SOX5: variants seen among roughly 807,000 people sequenced by gnomAD.
SOX5 encodes the protein transcription factor SOX-5.
A neutral mutation model predicts 92.0 loss-of-function variants in SOX5; 9 were observed. The ratio of observed to expected loss-of-function variants is 0.10; its 90% confidence interval spans 0.06 to 0.17. The LOEUF (loss-of-function observed/expected upper bound fraction) is 0.17. Among genes scored for constraint, SOX5 ranks in the 10% least tolerant of loss-of-function variants. SOX5 has a pLI of 1.00. For synonymous variants in SOX5, 344 were observed against 336.3 expected, an observed-to-expected ratio of 1.02 and a Z score of -0.25; for missense variants, 642 against 944.5, an observed-to-expected ratio of 0.68 and a Z score of 4.20.
At chr12:24,058,299 T>C (rs1299254794) in intron 4 of SOX5, among the ~76,000 whole-genome samples, 1 of 152,232 alleles carries the variant, frequency 6.6e-6, no homozygotes, top group Non-Finnish European at 1.5e-5. Flanking sequence ...ACAATATTTT[T>C]TGTAGTTGTA....
At chr12:24,424,812 G>GC (rs981419594) in intron 1 of SOX5, among the ~76,000 whole-genome samples, 3 of 150,716 alleles carry the variant, frequency 2.0e-5, no homozygotes, top group Admixed American at 6.6e-5. Flanking sequence ...TTTTTTTGGG[G>GC]GGGGGGGATG....
intron 1 of SOX5, among the ~76,000 whole-genome samples, chr12:24,484,790 A>G (rs913136830): frequency 1.3e-5 from 2 of 152,318 alleles, no homozygotes; most frequent in Non-Finnish European, 2.9e-5. Flanking sequence ...TGATAGCGTT[A>G]ATTAACTTAT....
chr12:24,214,910 C>T (rs1419618805), intron 3 of SOX5, among the ~76,000 whole-genome samples: 2 of 152,026 alleles, frequency 1.3e-5, no homozygotes, highest in East Asian at 3.9e-4. Flanking sequence ...GAATTACACT[C>T]TATAACCAAG....
At chr12:23,630,932 CTAAT>C (rs2078451477) in intron 8 of SOX5, among the ~76,000 whole-genome samples, 1 of 151,960 alleles carries the variant, frequency 6.6e-6, no homozygotes, top group Non-Finnish European at 1.5e-5. Flanking sequence ...TATCTTTCCT[CTAAT>C]TATCCCCTAA....
At chr12:23,956,647 T>C (rs1946318232) in intron 4 of SOX5, among the ~76,000 whole-genome samples, 1 of 151,984 alleles carries the variant, frequency 6.6e-6, no homozygotes, top group Non-Finnish European at 1.5e-5. Flanking sequence ...GAGCCTCTAT[T>C]ACTCCTTCCT....
chr12:23,784,480 C>T (rs2095342381), intron 3 of SOX5, among the ~76,000 whole-genome samples: 1 of 152,084 alleles, frequency 6.6e-6, no homozygotes, highest in Non-Finnish European at 1.5e-5. Flanking sequence ...GCACCCGCCA[C>T]CACGCCCGGC....
intron 2 of SOX5, among the ~76,000 whole-genome samples, chr12:24,343,580 C>T (rs370178461): frequency 1.3e-4 from 20 of 152,162 alleles, no homozygotes; most frequent in South Asian, 2.1e-4. Context: ...TACTGTATCA[C>T]GCAGTCTTAT....
intron 4 of SOX5, among the ~76,000 whole-genome samples, chr12:24,158,622 A>T (rs915795106): frequency 1.4e-4 from 21 of 152,090 alleles, no homozygotes; most frequent in African/African-American, 4.8e-4. Context: ...CTCCTTGAAA[A>T]CAACAAACTT....
At chr12:24,558,947 C>A (rs1478557282) in intron 1 of SOX5, among the ~76,000 whole-genome samples, 2 of 152,262 alleles carry the variant, frequency 1.3e-5, no homozygotes, top group East Asian at 3.9e-4. Flanking sequence ...GTTGTTTAGA[C>A]AGTTTTGTGT....
chr12:23,933,434 T>G (rs1224501716), intron 1 of SOX5, among the ~76,000 whole-genome samples: 2 of 151,640 alleles, frequency 1.3e-5, no homozygotes, highest in African/African-American at 4.8e-5. Context: ...AAGTGCTCAA[T>G]AAATATTTCT....
At chr12:23,672,217 T>A (rs2084903427) in intron 6 of SOX5, among the ~76,000 whole-genome samples, 1 of 152,004 alleles carries the variant, frequency 6.6e-6, no homozygotes, top group African/African-American at 2.4e-5. Flanking sequence ...CTTCCCCACA[T>A]CCAATCCCCC....
intron 1 of SOX5, among the ~76,000 whole-genome samples, chr12:24,435,583 T>A (rs1939251983): frequency 6.6e-6 from 1 of 152,222 alleles, no homozygotes; most frequent in South Asian, 2.1e-4. Flanking sequence ...CAATATGTGT[T>A]CAATAAATAT....
At chr12:23,856,270 T>G (rs1449282167) in intron 2 of SOX5, among the ~76,000 whole-genome samples, 1 of 152,146 alleles carries the variant, frequency 6.6e-6, no homozygotes, top group Non-Finnish European at 1.5e-5. Flanking sequence ...ACACGAGCAA[T>G]GCTATACACA....
intron 4 of SOX5, among the ~76,000 whole-genome samples, chr12:24,026,439 G>T (rs1307224028): frequency 6.6e-6 from 1 of 151,752 alleles, no homozygotes; most frequent in Non-Finnish European, 1.5e-5. Flanking sequence ...TAGAGAAGAT[G>T]TTAACCCTGG....
chr12:24,361,885 T>A (rs987619617), intron 2 of SOX5, among the ~76,000 whole-genome samples: 2 of 152,222 alleles, frequency 1.3e-5, no homozygotes, highest in Non-Finnish European at 2.9e-5. Flanking sequence ...CAAGGTAGAA[T>A]AGGCTTTCTT....
intron 3 of SOX5, among the ~76,000 whole-genome samples, chr12:23,794,657 C>T (rs955724339): frequency 2.0e-5 from 3 of 152,002 alleles, no homozygotes; most frequent in South Asian, 2.1e-4. Context: ...GTAAGAAGAA[C>T]GTTTAAAAAC....
chr12:24,108,286 TG>T (rs753114244), intron 4 of SOX5, among the ~76,000 whole-genome samples: 24 of 152,120 alleles, frequency 1.6e-4, no homozygotes, highest in African/African-American at 5.8e-4. Flanking sequence ...TGTTTGTGGA[TG>T]TTTTTTGTTA....
upstream of SOX5, among the ~76,000 whole-genome samples, chr12:23,951,817 T>C (rs767655123): frequency 3.3e-5 from 5 of 152,124 alleles, no homozygotes; most frequent in East Asian, 3.9e-4. Flanking sequence ...CTTTCAGCAG[T>C]TGGGGAAGGG....
chr12:24,165,055 C>A (rs1184415351), intron 4 of SOX5, among the ~76,000 whole-genome samples: 2 of 152,022 alleles, frequency 1.3e-5, no homozygotes, highest in Admixed American at 1.3e-4. Context: ...TTCCTTGAAT[C>A]ATTTATTTAC....
Sources: gnomAD v4.1 joint callset for allele counts (sites outside exome capture counted in the v4.1 genomes callset) on GRCh38, gnomAD v4.1.1 for gene constraint, MANE v1.5 for transcripts, NCBI Gene and HGNC (gene_info 2026-07-23, HGNC 2026-07-21) for gene names.